ANTXR1: variants seen among roughly 807,000 people sequenced by gnomAD.
ANTXR1 encodes anthrax toxin receptor 1.
ANTXR1 carries 19 observed loss-of-function variants against 78.1 expected under a neutral mutation model. The ratio of observed to expected loss-of-function variants is 0.24; its 90% CI spans 0.17 to 0.36. ANTXR1 has a LOEUF of 0.36. Ranked by LOEUF, ANTXR1 falls within the 10% of genes least tolerant of loss-of-function variation. The pLI, the probability that ANTXR1 is intolerant of heterozygous loss-of-function variation, is 1.00. For missense variants in ANTXR1, 518 were observed against 718.6 expected (o/e 0.72, Z 3.19); for synonymous variants, 273 against 260.5 (o/e 1.05, Z -0.46).
intron 8 of ANTXR1, among the ~76,000 whole-genome samples, chr2:69,085,043 G>C (rs1046358600): frequency 6.6e-6 from 1 of 151,706 alleles, no homozygotes; most frequent in African/African-American, 2.4e-5. Flanking sequence ...TAGTAGAGAC[G>C]GGGCAACTTT....
At chr2:69,146,670 C>T (rs1673235602) in intron 12 of ANTXR1, among the ~76,000 whole-genome samples, 1 of 152,244 alleles carries the variant, frequency 6.6e-6, no homozygotes, top group African/African-American at 2.4e-5. Context: ...AATGTGGACT[C>T]TCAGAAGGAT....
intron 1 of ANTXR1, among the ~76,000 whole-genome samples, chr2:69,015,332 A>G (rs1216840572): frequency 6.6e-6 from 1 of 151,870 alleles, no homozygotes; most frequent in African/African-American, 2.4e-5. Flanking sequence ...TAATGAAGCC[A>G]TATTCTCTCT....
At chr2:69,016,728 A>C (rs566919981) in intron 1 of ANTXR1, among the ~76,000 whole-genome samples, 141 of 152,366 alleles carry the variant, frequency 9.3e-4, no homozygotes, top group Middle Eastern at 3.4e-3. Flanking sequence ...AGCAGGTAGA[A>C]TTTTAAATTT....
chr2:69,197,237 G>T (rs1674686560), intron 17 of ANTXR1, among the ~76,000 whole-genome samples: 1 of 152,182 alleles, frequency 6.6e-6, no homozygotes, highest in Non-Finnish European at 1.5e-5. Flanking sequence ...TTCTAAGATT[G>T]TTAAAATTTA....
rs527943121 is a variant in ANTXR1 at position 69,026,629 on chromosome 2, C to G, written c.152+12978C>G. Among the ~76,000 whole-genome samples, 49 of 152,328 alleles carry G rather than the reference C, an allele frequency of 3.2e-4. 1 individual carries two copies. The East Asian group carries it at 6.4e-3, about 20-fold the overall frequency. ...GGTCCAGCAAGATGAGAACTGAAAA[C>G]AAGCCATATACTTTAGCAGAAATAA... is the stretch of plus-strand genomic sequence containing the variant. On this transcript the variant is annotated intron_variant, in intron 1 of 17. Coordinates refer to ENST00000303714, the MANE Select transcript of ANTXR1 (RefSeq NM_032208.3).
rs34500820 is a variant in ANTXR1, at chr2:69,188,034, CAAAAAAAAAAA to C, written c.1354-5284_1354-5274del. Among the ~76,000 whole-genome samples the C allele has an allele frequency of 3.1e-3, 277 of 90,784 alleles. 1 individual carries two copies. Among genetic ancestry groups the C allele is most frequent in the Admixed American group, 5.8e-3 (51 of 8,746 alleles). The allele number at this position is 90,784 out of a possible 152,430, so 59.6% of individuals were successfully genotyped here. The stretch of plus-strand genomic sequence containing the variant: ...AAGAAAAGATACAACTGCTGCCTGG[CAAAAAAAAAAA>C]AAAAAAAAAAAAAAAAGAGGAAACC... On this transcript the variant is annotated intron_variant, in intron 16 of 17. Transcript: ENST00000303714.
intron 6 of ANTXR1, among the ~76,000 whole-genome samples, chr2:69,074,176 G>C (rs13427290): frequency 4.6e-5 from 7 of 151,962 alleles, no homozygotes; most frequent in African/African-American, 1.7e-4. Context: ...AAATTATGTA[G>C]GTAAACTCTC....
At chr2:69,096,284 G>A (rs1017816094) in intron 9 of ANTXR1, among the ~76,000 whole-genome samples, 224 of 2,074 alleles carry the variant, frequency 0.11, 35 homozygotes, top group African/African-American at 0.35. Flanking sequence ...AAGGAAGGAA[G>A]GAAGGGAGGA....
At chr2:69,137,505 C>T (rs1483131095) in intron 12 of ANTXR1, among the ~76,000 whole-genome samples, 2 of 152,066 alleles carry the variant, frequency 1.3e-5, no homozygotes, top group African/African-American at 4.8e-5. Flanking sequence ...TCAGTGAATC[C>T]ATTTGAGAGA....
At position 69,146,129 on chromosome 2, in the gene ANTXR1, C is replaced by T. The variant is rs146782732; in HGVS notation, c.952-6040C>T. The T allele has an allele frequency of 5.6e-4, 548 of 985,404 alleles. 1 individual carries two copies. The African/African-American group carries it at 7.0e-3, about 13-fold the overall frequency. The allele number at this position is 985,404 out of a possible 1,614,324, so 61.0% of individuals were successfully genotyped here. On this transcript the variant is annotated intron_variant, in intron 12 of 17. Coordinates refer to ENST00000303714, the MANE Select transcript of ANTXR1 (RefSeq NM_032208.3). Reference sequence around the variant, plus strand: ...AGCGGGGCTGAGCTTGTCCTGCCTTCGTATTGAATGTTGCCTGTCTGCCTC... The same window carrying T: ...AGCGGGGCTGAGCTTGTCCTGCCTTTGTATTGAATGTTGCCTGTCTGCCTC...
intron 12 of ANTXR1, among the ~76,000 whole-genome samples, chr2:69,151,038 A>C (rs1159493695): frequency 6.6e-6 from 1 of 152,050 alleles, no homozygotes; most frequent in African/African-American, 2.4e-5. Flanking sequence ...AATATGAATA[A>C]ATAAAATTAT....
rs946234126 is a variant in ANTXR1, at chr2:69,190,930, T to G, written c.1354-2405T>G. Among the ~76,000 whole-genome samples the G allele has an allele frequency of 7.2e-5, 11 of 152,332 alleles. No homozygotes were observed. In the East Asian group the frequency reaches 2.1e-3, roughly 29 times the overall value. On this transcript the variant is annotated intron_variant, in intron 16 of 17. Transcript: ENST00000303714. ...CCCATTTGTCACAGAGTTGGGTGAT[T>G]AGCACACACAGCTCTGTGGGTGGGC...
At chr2:69,197,717 CCCAGGATGGT>C (rs1276329361) in intron 17 of ANTXR1, among the ~76,000 whole-genome samples, 3 of 152,196 alleles carry the variant, frequency 2.0e-5, no homozygotes, top group African/African-American at 7.2e-5. Flanking sequence ...GAACCTCTGT[CCCAGGATGGT>C]CCAGGATGGT....
At chr2:69,033,764 C>G (rs1671597442) in intron 1 of ANTXR1, among the ~76,000 whole-genome samples, 1 of 152,182 alleles carries the variant, frequency 6.6e-6, no homozygotes, top group South Asian at 2.1e-4. Flanking sequence ...TAAAAGACTC[C>G]TTGGTGATGG....
intron 14 of ANTXR1, among the ~76,000 whole-genome samples, chr2:69,178,613 C>T (rs1007583150): frequency 6.6e-6 from 1 of 152,086 alleles, no homozygotes; most frequent in Non-Finnish European, 1.5e-5. Flanking sequence ...AGAACTGCCC[C>T]CGTGTGCAAG....
chr2:69,052,843 T>C lies in ANTXR1; in HGVS notation c.296+8030T>C, dbSNP rs150598600. On this transcript the variant is annotated intron_variant, in intron 3 of 17. Transcript: ENST00000303714. ...CAGATCCTGTAATTACCAGTCTAAG[T>C]TGTTTATTTTGTTTTTGCTTCTGTT... Among the ~76,000 whole-genome samples the C allele has an allele frequency of 2.4e-3, 370 of 151,406 alleles. 1 individual carries two copies. The highest frequency in any genetic ancestry group is 8.8e-3 in the African/African-American group (359 of 40,772).
rs377188031 is a variant in ANTXR1, at chr2:69,098,187, CAT to C, written c.704-4652_704-4651del. On this transcript the variant is annotated intron_variant, in intron 9 of 17. Coordinates refer to ENST00000303714, the MANE Select transcript of ANTXR1 (RefSeq NM_032208.3). ...TTGACTGTGGTATTATGATTGTGTA[CAT>C]ATGTCAAAATTTATCAAATCATACA... is the stretch of plus-strand genomic sequence containing the variant. Among the ~76,000 whole-genome samples, 541 of 152,268 alleles carry C rather than the reference CAT, an allele frequency of 3.6e-3. 4 individuals carry two copies. The highest frequency in any genetic ancestry group is 0.012 in the African/African-American group (494 of 41,556).
chr2:69,085,261 A>C (rs752133728), intron 8 of ANTXR1, among the ~76,000 whole-genome samples: 1 of 152,034 alleles, frequency 6.6e-6, no homozygotes, highest in Non-Finnish European at 1.5e-5. Context: ...ACAGTTCTCT[A>C]TGTTTTTCCC....
chr2:69,121,026 C>T (rs757024117), intron 10 of ANTXR1, among the ~76,000 whole-genome samples: 10 of 152,186 alleles, frequency 6.6e-5, no homozygotes, highest in Non-Finnish European at 1.3e-4. Context: ...CAGTGCCTCC[C>T]CCTCTCCCAC....
Sources: gnomAD v4.1 joint callset for allele counts (sites outside exome capture counted in the v4.1 genomes callset) on GRCh38, gnomAD v4.1.1 for gene constraint, MANE v1.5 for transcripts, NCBI Gene and HGNC (gene_info 2026-07-23, HGNC 2026-07-21) for gene names.